PPP1CB: variants seen among roughly 807,000 people sequenced by gnomAD.
PPP1CB encodes protein phosphatase 1 catalytic subunit beta.
In PPP1CB, 2 loss-of-function variants were observed where a neutral mutation model predicts 43.7. The observed-to-expected ratio is 0.05, with a 90% CI of 0.02 to 0.14. The LOEUF is 0.14. Among genes scored for constraint, PPP1CB ranks in the 10% least tolerant of loss-of-function variants. The pLI is 1.00. For synonymous variants in PPP1CB, 136 were observed against 135.6 expected (o/e 1.00, Z -0.02); for missense variants, 84 against 398.0 (o/e 0.21, Z 6.71).
chr2:28,789,817 T>G (rs1039772929), intron 6 of PPP1CB, among the ~76,000 whole-genome samples: 2 of 152,090 alleles, frequency 1.3e-5, no homozygotes, highest in African/African-American at 4.8e-5. Context: ...CAGGCTGCCC[T>G]TGAACTCCTG....
At chr2:28,798,694 G>T (rs1297933577) in intron 7 of PPP1CB, among the ~76,000 whole-genome samples, 3 of 152,062 alleles carry the variant, frequency 2.0e-5, no homozygotes, top group Admixed American at 2.0e-4. Context: ...GTGGAGAGCA[G>T]GAATGGGGAG....
chr2:28,755,741 C>A (rs1000986392), intron 1 of PPP1CB, among the ~76,000 whole-genome samples: 4 of 152,188 alleles, frequency 2.6e-5, no homozygotes, highest in African/African-American at 9.7e-5. Flanking sequence ...TGAGTAGAAT[C>A]TAATGCATTT....
intron 1 of PPP1CB, among the ~76,000 whole-genome samples, chr2:28,770,040 G>A (rs942563221): frequency 7.2e-5 from 11 of 151,978 alleles, no homozygotes; most frequent in African/African-American, 2.4e-4. Context: ...AGGCCAAGGC[G>A]GACAGGTCAC....
rs1667649834 is a variant in PPP1CB at position 28,802,828 on chromosome 2, A to T, written c.*3525A>T. ...AAGTCAAAGCTTGTTTTCTTCAACC[A>T]CTACCTTCTACATTGGTTGACTTAG... On this transcript the variant is annotated 3_prime_UTR_variant, in exon 8 of 8. Transcript: ENST00000395366. 6.6e-6 allele frequency: 1 copy of T among 152,200 alleles called. No homozygotes were observed. Among genetic ancestry groups the T allele is most frequent in the Non-Finnish European group, 1.5e-5 (1 of 68,040 alleles). The allele number at this position is 152,200 out of a possible 1,614,324, so 9.4% of individuals were successfully genotyped here. A position where few individuals can be genotyped will look rare whatever the true frequency, so the allele number is the denominator to read the frequency against.
At chr2:28,785,428 G>A (rs1667246467) in intron 5 of PPP1CB, among the ~76,000 whole-genome samples, 1 of 152,000 alleles carries the variant, frequency 6.6e-6, no homozygotes, top group Non-Finnish European at 1.5e-5. Context: ...ATTTTTTAAA[G>A]TATGCATTTT....
At chr2:28,792,796 T>C (rs1667414811) in intron 6 of PPP1CB, among the ~76,000 whole-genome samples, 1 of 152,170 alleles carries the variant, frequency 6.6e-6, no homozygotes, top group African/African-American at 2.4e-5. Context: ...TTAAAAGTAA[T>C]CTTGCCCACC....
intron 6 of PPP1CB, among the ~76,000 whole-genome samples, chr2:28,791,324 TG>T (rs1328175702): frequency 9.9e-5 from 15 of 151,968 alleles, no homozygotes; most frequent in African/African-American, 1.9e-4. Flanking sequence ...AGTAGTTTTT[TG>T]TTGTTGTTGT....
At chr2:28,754,334 T>C (rs1258327494) in intron 1 of PPP1CB, among the ~76,000 whole-genome samples, 4 of 22,876 alleles carry the variant, frequency 1.7e-4, no homozygotes, top group African/African-American at 6.2e-4. Context: ...TGTTTTCCTT[T>C]TTTGGGGGGG....
chr2:28,753,373 C>T (rs1217264690), intron 1 of PPP1CB, among the ~76,000 whole-genome samples: 1 of 152,118 alleles, frequency 6.6e-6, no homozygotes, highest in Non-Finnish European at 1.5e-5. Context: ...AAGTATGTGT[C>T]GGTATCTCAA....
intron 5 of PPP1CB, among the ~76,000 whole-genome samples, chr2:28,787,780 C>CCTG: frequency 6.6e-6 from 1 of 152,166 alleles, no homozygotes; most frequent in Non-Finnish European, 1.5e-5. Flanking sequence ...CCCTCATCTA[C>CCTG]CTGCCTATTA....
At chr2:28,784,810 C>G (rs1339393708) in intron 5 of PPP1CB, among the ~76,000 whole-genome samples, 1 of 149,256 alleles carries the variant, frequency 6.7e-6, no homozygotes, top group Admixed American at 6.8e-5. Context: ...ATCCTAGCTA[C>G]TCAAGAGGCT....
At chr2:28,760,193 A>G (rs1666609056) in intron 1 of PPP1CB, among the ~76,000 whole-genome samples, 1 of 152,216 alleles carries the variant, frequency 6.6e-6, no homozygotes, top group Admixed American at 6.5e-5. Flanking sequence ...AAAAGGCTTA[A>G]TAGGATAAGG....
intron 5 of PPP1CB, among the ~76,000 whole-genome samples, chr2:28,785,451 G>T (rs564582126): frequency 9.7e-4 from 148 of 152,090 alleles, no homozygotes; most frequent in African/African-American, 3.4e-3. Context: ...CACAGTTTTT[G>T]ATTGTAATTA....
intron 3 of PPP1CB, 42 bp downstream of exon 3, chr2:28,779,081 A>C (rs1558305387): frequency 7.1e-7 from 1 of 1,407,098 alleles, no homozygotes; most frequent in Non-Finnish European, 9.8e-7. Context: ...TCATGGAAAC[A>C]TTGCCTAATA....
At chr2:28,774,112 TG>T (rs1666976900) in intron 1 of PPP1CB, among the ~76,000 whole-genome samples, 1 of 152,214 alleles carries the variant, frequency 6.6e-6, no homozygotes, top group African/African-American at 2.4e-5. Flanking sequence ...TCTGTAAAAA[TG>T]TTACACAATT....
At chr2:28,781,986 C>T in intron 4 of PPP1CB, 144 bp downstream of exon 4, 1 of 672,822 alleles carries the variant, frequency 1.5e-6, no homozygotes, top group Non-Finnish European at 2.6e-6. Context: ...ATGGCTAAAC[C>T]TCTTTTAAAA....
intron 5 of PPP1CB, 140 bp downstream of exon 5, chr2:28,784,118 T>TGCAAATAAAG: frequency 1.7e-6 from 1 of 572,848 alleles, no homozygotes; most frequent in Non-Finnish European, 3.0e-6. Flanking sequence ...TACAGATTAC[T>TGCAAATAAAG]TTATTTGCAG....
At chr2:28,760,228 G>C (rs527418902) in intron 1 of PPP1CB, among the ~76,000 whole-genome samples, 1 of 152,274 alleles carries the variant, frequency 6.6e-6, no homozygotes, top group South Asian at 2.1e-4. Context: ...TTGTACAGCT[G>C]TATGATATGC....
intron 6 of PPP1CB, among the ~76,000 whole-genome samples, chr2:28,789,417 G>T (rs1412516349): frequency 6.6e-6 from 1 of 151,752 alleles, no homozygotes; most frequent in Non-Finnish European, 1.5e-5. Context: ...GCTGAGGTGG[G>T]AGGATCGCTT....
Sources: allele counts gnomAD v4.1 joint callset (sites outside exome capture counted in the v4.1 genomes callset), GRCh38; gene constraint gnomAD v4.1.1; transcripts MANE v1.5; gene names NCBI Gene and HGNC (gene_info 2026-07-23, HGNC 2026-07-21).